The following TARS3 variants were observed in gnomAD, a reference collection of about 807,000 sequenced individuals.
The protein encoded by TARS3 is threonyl-tRNA synthetase 3, also known as threonine--tRNA ligase 2, cytoplasmic.
Under a neutral mutation model 103.5 loss-of-function variants are expected in TARS3, and 94 were observed. The observed-to-expected ratio is 0.91, with a 90% CI of 0.77 to 1.08. The LOEUF is 1.08. TARS3 is among the 50% of genes least tolerant of loss of function. The pLI is 0.00. For missense variants in TARS3, 952 were observed against 995.2 expected, an observed-to-expected ratio of 0.96 and a Z score of 0.58; for synonymous variants, 416 against 355.4, an observed-to-expected ratio of 1.17 and a Z score of -1.92.
At chr15:101,714,306 T>C (rs1196280309) in intron 4 of TARS3, among the ~76,000 whole-genome samples, 2 of 152,080 alleles carry the variant, frequency 1.3e-5, no homozygotes, top group African/African-American at 4.8e-5. Flanking sequence ...GAAATGATTA[T>C]TGTAAGAAAT....
At chr15:101,684,378 ATTCTTCC>A in intron 11 of TARS3, 141 bp from the exon 12 acceptor site, 1 of 772,522 alleles carries the variant, frequency 1.3e-6, no homozygotes, top group Non-Finnish European at 1.9e-6. Context: ...TAAAAAAAAA[ATTCTTCC>A]ACAAATTAGT....
intron 6 of TARS3, 51 bp downstream of exon 6, chr15:101,708,742 T>C (rs753013557): frequency 1.3e-5 from 16 of 1,191,980 alleles, no homozygotes; most frequent in South Asian, 3.7e-5. Flanking sequence ...AGCTAGTCTA[T>C]ATTGATTTTT....
chr15:101,657,397 G>A (rs1897231545), intron 17 of TARS3, among the ~76,000 whole-genome samples: 6 of 152,182 alleles, frequency 3.9e-5, no homozygotes, highest in Admixed American at 3.9e-4. Flanking sequence ...CCCAGGAGAC[G>A]CTCTGCGCCA....
rs1899407483 is a variant in TARS3, at chr15:101,703,869, T to C, written c.1064A>G (p.Lys355Arg). The change falls in exon 8 of 19, where the codon AAA becomes AGA. Residue 355 changes from lysine (K) to arginine (R), a missense_variant. This residue lies in a region of TARS3 where 540 missense variants were observed against 631.0 expected (regional missense o/e 0.86). Coordinates refer to ENST00000335968, the MANE Select transcript of TARS3 (RefSeq NM_152334.3). ...VRHTGKIKTIKIFKNSSTYWE... is the reference protein window; with the variant it reads ...VRHTGKIKTIRIFKNSSTYWE... ...AAAATCAATCCTTACCTTAAAAATT[T>C]TGATGGTTTTAATTTTTCCAGTGTG... is the stretch of plus-strand genomic sequence containing the variant. 10 of 1,611,648 alleles carry C rather than the reference T, an allele frequency of 6.2e-6. No homozygotes were observed. The highest frequency in any genetic ancestry group is 1.1e-5 in the South Asian group (1 of 90,710).
At chr15:101,688,276 TC>T (rs933918153) in intron 10 of TARS3, among the ~76,000 whole-genome samples, 1 of 152,152 alleles carries the variant, frequency 6.6e-6, no homozygotes, top group African/African-American at 2.4e-5. Context: ...TTTTAGTTTT[TC>T]TCTAGATTTG....
chr15:101,665,698 T>C (rs1056625245), intron 15 of TARS3, among the ~76,000 whole-genome samples: 1 of 152,172 alleles, frequency 6.6e-6, no homozygotes, highest in Non-Finnish European at 1.5e-5. Context: ...TACATAAAAA[T>C]AGAAAAATCA....
intron 15 of TARS3, among the ~76,000 whole-genome samples, chr15:101,664,683 TCATAA>T: frequency 6.6e-6 from 1 of 152,216 alleles, no homozygotes; most frequent in Non-Finnish European, 1.5e-5. Flanking sequence ...ACACAGCATC[TCATAA>T]CATAATATTC....
chr15:101,671,720 C>T lies in TARS3; in HGVS notation c.1817G>A (p.Gly606Glu). ...KQLQNSLMDF[G>E]EPWKMNPGDG... ...TCCTGGGTTCATTTTCCACGGTTCTCCAAAGTCCATCAAGCTGTTCTGCAG... is the reference window on the plus strand; with the variant it reads ...TCCTGGGTTCATTTTCCACGGTTCTTCAAAGTCCATCAAGCTGTTCTGCAG... Residue 606 changes from glycine to glutamate, a missense_variant, in exon 14 of 19, where the codon GGA (glycine) becomes GAA (glutamate). Physicochemically the swap from Gly to Glu is moderately conservative, Grantham distance 98 (BLOSUM62 -2). Around this residue, in one of 2 missense-constraint regions of TARS3, gnomAD observed 540 missense variants for 631.0 expected, o/e 0.86. Coordinates refer to ENST00000335968, the MANE Select transcript of TARS3 (RefSeq NM_152334.3). 1 of 1,614,004 alleles carries T rather than the reference C, an allele frequency of 6.2e-7. No individual in the cohort carries two copies. The highest frequency in any genetic ancestry group is 1.6e-4 in the Middle Eastern group (1 of 6,062).
chr15:101,693,288 G>A (rs1001841610), intron 10 of TARS3, among the ~76,000 whole-genome samples: 1 of 152,194 alleles, frequency 6.6e-6, no homozygotes. Flanking sequence ...AATCACGGTG[G>A]AAGGCAAAGG....
At chr15:101,661,181 A>G (rs1897363188) in intron 16 of TARS3, among the ~76,000 whole-genome samples, 1 of 152,162 alleles carries the variant, frequency 6.6e-6, no homozygotes, top group Non-Finnish European at 1.5e-5. Context: ...TCTGCACTTT[A>G]GGACACTTCC....
At chr15:101,684,044 C>G (rs766210334) in intron 12 of TARS3, 31 bp downstream of exon 12, 2 of 1,592,090 alleles carry the variant, frequency 1.3e-6, no homozygotes, top group African/African-American at 2.7e-5. Context: ...CAATTTGTGA[C>G]CACACTGCTT....
chr15:101,705,974 T>C (rs1235367369), intron 6 of TARS3, among the ~76,000 whole-genome samples: 1 of 152,122 alleles, frequency 6.6e-6, no homozygotes. Context: ...GTTGTTGTTG[T>C]TGTTTTTGAG....
chr15:101,669,972 G>A (rs1324888016), intron 15 of TARS3, among the ~76,000 whole-genome samples: 3 of 152,212 alleles, frequency 2.0e-5, no homozygotes, highest in Admixed American at 6.5e-5. Flanking sequence ...TGAATAATGA[G>A]ACACTTAGAT....
At chr15:101,704,011 C>G in intron 7 of TARS3, 74 bp from the exon 8 acceptor site, 1 of 1,105,080 alleles carries the variant, frequency 9.0e-7, no homozygotes, top group Admixed American at 2.1e-5. Flanking sequence ...GCCATAATAT[C>G]CTATGTTTTA....
chr15:101,696,961 C>T (rs1052936661), intron 10 of TARS3, among the ~76,000 whole-genome samples: 1 of 152,196 alleles, frequency 6.6e-6, no homozygotes, highest in Admixed American at 6.5e-5. Flanking sequence ...AATTTAAATG[C>T]ATTGTCTCCA....
chr15:101,663,944 T>C (rs1897479176), intron 15 of TARS3, among the ~76,000 whole-genome samples: 2 of 152,340 alleles, frequency 1.3e-5, no homozygotes. Flanking sequence ...ATCTGATGCC[T>C]TTCTGCATGC....
intron 7 of TARS3, among the ~76,000 whole-genome samples, chr15:101,704,261 T>G (rs960354325): frequency 1.3e-5 from 2 of 152,232 alleles, no homozygotes; most frequent in Non-Finnish European, 2.9e-5. Context: ...GGTCAGTCTT[T>G]GTGTATTGTT....
chr15:101,679,094 T>C (rs1898149431), intron 12 of TARS3, among the ~76,000 whole-genome samples: 1 of 152,216 alleles, frequency 6.6e-6, no homozygotes, highest in African/African-American at 2.4e-5. Flanking sequence ...TGTCTTTAGT[T>C]TTCAGTTTAC....
At chr15:101,723,948 C>A in intron 1 of TARS3, 143 bp downstream of exon 1, 1 of 743,328 alleles carries the variant, frequency 1.3e-6, no homozygotes, top group Non-Finnish European at 1.9e-6. Flanking sequence ...CCGAGCAGGG[C>A]AGGGCGGGCC....
Sources: allele counts gnomAD v4.1 joint callset (sites outside exome capture counted in the v4.1 genomes callset), GRCh38; gene constraint gnomAD v4.1.1; regional missense constraint gnomAD v4.1.1; transcripts MANE v1.5; gene names NCBI Gene and HGNC (gene_info 2026-07-23, HGNC 2026-07-21).